Variants in ODAD3 observed in about 807,000 individuals in gnomAD.
The protein encoded by ODAD3 is outer dynein arm-docking complex subunit 3.
Under a neutral mutation model 70.9 loss-of-function variants are expected in ODAD3, and 57 were observed. That is an observed-to-expected ratio of 0.80 (90% CI 0.65 to 1.00). The LOEUF (loss-of-function observed/expected upper bound fraction) is 1.00. ODAD3 is among the 50% of genes least tolerant of loss of function. The probability of loss-of-function intolerance (pLI) is 0.00; values close to 1 mark genes in which losing one functional copy is unlikely to be tolerated. For synonymous variants in ODAD3, 327 were observed against 315.9 expected (o/e 1.04, Z -0.37); for missense variants, 797 against 763.9 (o/e 1.04, Z -0.51).
At chr19:11,423,725 T>G in intron 8 of ODAD3, 152 bp downstream of exon 8, 1 of 729,930 alleles carries the variant, frequency 1.4e-6, no homozygotes, top group Non-Finnish European at 2.2e-6. Flanking sequence ...GGGGAAGGGA[T>G]GTTTTTCAAG....
intron 7 of ODAD3, 68 bp downstream of exon 7, chr19:11,426,076 G>T: frequency 6.5e-7 from 1 of 1,543,872 alleles, no homozygotes; most frequent in Admixed American, 2.0e-5. Context: ...ATGAGGGAGA[G>T]CCAGGGCATG....
chr19:11,424,889 C>A (rs62651709), intron 7 of ODAD3, among the ~76,000 whole-genome samples: 2 of 90,398 alleles, frequency 2.2e-5, no homozygotes, highest in African/African-American at 7.2e-5. Context: ...GTATATATAC[C>A]TATGTGTATA....
rs1422801340 is a variant in ODAD3, at chr19:11,422,358, A to T, written c.1434+113T>A. 62 of 1,302,936 alleles carry T rather than the reference A, an allele frequency of 4.8e-5. No individual in the cohort carries two copies. Among genetic ancestry groups the T allele is most frequent in the Non-Finnish European group, 2.7e-5 (26 of 973,726 alleles). 80.7% of individuals were successfully genotyped at this position (1,302,936 alleles called of 1,614,324 possible). A position where few individuals can be genotyped will look rare whatever the true frequency, so the allele number is the denominator to read the frequency against. ...GGGCCTCTGACGTCCGGGACAGAGG[A>T]TGTGGCAGGCCACGTTCCCTCGGGC... is the stretch of plus-strand genomic sequence containing the variant. On this transcript the variant is annotated intron_variant, in intron 10 of 12. Coordinates refer to ENST00000356392, the MANE Select transcript of ODAD3 (RefSeq NM_145045.5). The surrounding 1 kb of genome is among the most constrained non-coding windows in gnomAD (Gnocchi z 4.6).
rs1268404831 is a variant in ODAD3, at chr19:11,423,869, G to C, written c.1116+8C>G. On this transcript the variant is annotated splice_region_variant and intron_variant, in intron 8 of 12. Transcript: ENST00000356392. ...GGCGCGGCGGAGAGGGCTGCGGGCA[G>C]AACTCACGTGCGTCTCGTCAGTGCC... The C allele has an allele frequency of 1.2e-6, 2 of 1,604,506 alleles. No individual in the cohort carries two copies. The highest frequency in any genetic ancestry group is 1.1e-5 in the South Asian group (1 of 90,874).
chr19:11,434,851 C>G lies in ODAD3; in HGVS notation c.166G>C (p.Gly56Arg), dbSNP rs767091218. The G allele has an allele frequency of 5.0e-6, 8 of 1,614,078 alleles. No homozygotes were observed. In the African/African-American group the frequency reaches 9.3e-5, roughly 19 times the overall value. Residue 56 changes from glycine (G) to arginine (R), a missense_variant, in exon 1 of 13, where the codon GGA becomes CGA. Physicochemically the swap from Gly to Arg is moderately radical, Grantham distance 125. Transcript: ENST00000356392. ...QAWTPGRSKGGSFHRGAGKPS... is the reference protein window; with the variant it reads ...QAWTPGRSKGRSFHRGAGKPS... ...TTCCCTGCACCTCTGTGGAAGGATC[C>G]TCCCTTGGAACGGCCTGGGGTCCAC...
At chr19:11,426,294 A>T in intron 6 of ODAD3, 28 bp from the exon 7 acceptor site, 1 of 1,611,792 alleles carries the variant, frequency 6.2e-7, no homozygotes, top group Non-Finnish European at 8.5e-7. Flanking sequence ...TAGCAGGGAG[A>T]CCAGCTGGCA....
intron 3 of ODAD3, among the ~76,000 whole-genome samples, chr19:11,429,221 G>GT (rs1176099368): frequency 2.7e-5 from 4 of 150,634 alleles, no homozygotes; most frequent in Non-Finnish European, 5.9e-5. Flanking sequence ...GTTTGTTTTT[G>GT]TTTTTTTGAG....
chr19:11,425,457 G>GTGTGTGTATATACGTATATA (rs1969326056), intron 7 of ODAD3, among the ~76,000 whole-genome samples: 1 of 133,470 alleles, frequency 7.5e-6, no homozygotes. Context: ...ATACATATAT[G>GTGTGTGTATATACGTATATA]TGTGTGTATA....
chr19:11,430,866 C>A (rs373126809), intron 2 of ODAD3, 33 bp downstream of exon 2: 2 of 1,613,780 alleles, frequency 1.2e-6, no homozygotes, highest in South Asian at 1.1e-5. Context: ...TCCACCGCCA[C>A]GGGAACCCTA....
chr19:11,425,665 A>G (rs1332983546), intron 7 of ODAD3, among the ~76,000 whole-genome samples: 1 of 134,032 alleles, frequency 7.5e-6, no homozygotes, highest in African/African-American at 3.5e-5. Context: ...ATATATATAT[A>G]TATATGCAAA....
At chr19:11,434,278 T>C (rs1969589877) in intron 1 of ODAD3, among the ~76,000 whole-genome samples, 2 of 149,462 alleles carry the variant, frequency 1.3e-5, no homozygotes, top group South Asian at 4.3e-4. Flanking sequence ...TCCCAGCAGT[T>C]TGGGAGGCCG....
intron 1 of ODAD3, 47 bp downstream of exon 1, chr19:11,434,726 G>A: frequency 1.9e-6 from 3 of 1,557,186 alleles, no homozygotes; most frequent in South Asian, 2.4e-5. Flanking sequence ...AAGATTGGAT[G>A]GGCACTGTTG....
At position 11,422,156 on chromosome 19, in the gene ODAD3, G is replaced by A. The variant is rs946602048; in HGVS notation, c.1434+315C>T. 2.0e-5 allele frequency among the ~76,000 whole-genome samples: 3 copies of A among 152,242 alleles called. No individual in the cohort carries two copies. Among genetic ancestry groups the A allele is most frequent in the Admixed American group, 6.5e-5 (1 of 15,276 alleles). On this transcript the variant is annotated intron_variant, in intron 10 of 12. Coordinates refer to ENST00000356392, the MANE Select transcript of ODAD3 (RefSeq NM_145045.5). This position sits in a 1 kb window ranked among gnomAD's most constrained non-coding sequence, Gnocchi z 4.6. The stretch of plus-strand genomic sequence containing the variant: ...AGGTCTTCTGTCTCGGGCTGCTCCA[G>A]AACTGCAGATAGGTCTCCGAGCTTT...
chr19:11,425,633 GTATA>G (rs1177257345), intron 7 of ODAD3, among the ~76,000 whole-genome samples: 2 of 136,392 alleles, frequency 1.5e-5, no homozygotes, highest in African/African-American at 3.1e-5. Context: ...ATGCATATAT[GTATA>G]TATATGTATA....
In ODAD3 at chr19:11,425,657, A is replaced by ACGCATATATGCATATACG. The variant is rs1248237788; in HGVS notation, c.963+486_963+487insCGTATATGCATATATGCG. ...TGTATATATATGTATATACGTATAT[A>ACGCATATATGCATATACG]TATATATATATATGCAAAAAAAACC... On this transcript the variant is annotated intron_variant, in intron 7 of 12. Transcript: ENST00000356392. 3.7e-5 allele frequency among the ~76,000 whole-genome samples: 5 copies of ACGCATATATGCATATACG among 134,474 alleles called. 1 individual carries two copies. The highest frequency in any genetic ancestry group is 1.4e-4 in the African/African-American group (4 of 28,848). 88.2% of individuals were successfully genotyped at this position (134,474 alleles called of 152,430 possible).
At chr19:11,433,882 C>G (rs1034448504) in intron 1 of ODAD3, among the ~76,000 whole-genome samples, 1 of 151,678 alleles carries the variant, frequency 6.6e-6, no homozygotes, top group Non-Finnish European at 1.5e-5. Context: ...AACTGTTATC[C>G]AACCACTACA....
At position 11,423,979 on chromosome 19, in the gene ODAD3, G is replaced by A. The variant is rs767596988; in HGVS notation, c.1014C>T (p.Ser338=). 1 of 1,612,930 alleles carries A rather than the reference G, an allele frequency of 6.2e-7. No individual in the cohort carries two copies. The highest frequency in any genetic ancestry group is 8.5e-7 in the Non-Finnish European group (1 of 1,179,966). The change falls in exon 8 of 13, where the codon AGC becomes AGT. Residue 338 remains serine (S), a synonymous_variant. Transcript: ENST00000356392. Reference sequence around the variant, plus strand: ...GCAGCTCCTCCTCCTTGGCATGCAGGCTGTCCTGGATGGTGTCGTCGGACT... The same window carrying A: ...GCAGCTCCTCCTCCTTGGCATGCAGACTGTCCTGGATGGTGTCGTCGGACT... ...LLQSDDTIQD[S]LHAKEEELRQ...
At chr19:11,425,553 ATG>A (rs1206380968) in intron 7 of ODAD3, among the ~76,000 whole-genome samples, 3 of 130,462 alleles carry the variant, frequency 2.3e-5, no homozygotes, top group Non-Finnish European at 4.6e-5. Flanking sequence ...GTATGTATAT[ATG>A]TATATATGTG....
chr19:11,426,905 C>T lies in ODAD3; in HGVS notation c.580G>A (p.Glu194Lys), dbSNP rs1359278632. The change falls in exon 4 of 13, where the codon GAG becomes AAG. Residue 194 changes from glutamate to lysine, a missense_variant. By Grantham distance (56) the Glu-to-Lys change is moderately conservative. Coordinates refer to ENST00000356392, the MANE Select transcript of ODAD3 (RefSeq NM_145045.5). ...ACCTCCGTGTGTCTGTTTTGCGCCTCCGCCATCTCCAGAAGGCGCAGGCTG... is the reference window on the plus strand; with the variant it reads ...ACCTCCGTGTGTCTGTTTTGCGCCTTCGCCATCTCCAGAAGGCGCAGGCTG... ...QHSLRLLEMA[E>K]AQNRHTEVAK... is the part of the protein sequence containing the mutation. The T allele has an allele frequency of 6.2e-7, 1 of 1,609,744 alleles. No homozygotes were observed. The highest frequency in any genetic ancestry group is 8.5e-7 in the Non-Finnish European group (1 of 1,177,922).
Sources: gnomAD v4.1 joint callset for allele counts (sites outside exome capture counted in the v4.1 genomes callset) on GRCh38, gnomAD v4.1.1 for gene constraint, Gnocchi (gnomAD v3.1) non-coding constraint, MANE v1.5 for transcripts, NCBI Gene and HGNC (gene_info 2026-07-23, HGNC 2026-07-21) for gene names.